KDM6A: variants seen among roughly 807,000 people sequenced by gnomAD.
KDM6A encodes the protein lysine demethylase 6A, also known as lysine-specific demethylase 6A.
A neutral mutation model predicts 117.6 loss-of-function variants in KDM6A; 11 were observed. The ratio of observed to expected loss-of-function variants is 0.09; its 90% CI spans 0.06 to 0.15. The LOEUF (loss-of-function observed/expected upper bound fraction) is 0.15, where lower values mean the gene tolerates loss of function less well. KDM6A is among the 10% of genes least tolerant of loss of function. The probability of loss-of-function intolerance (pLI) is 1.00; values close to 1 mark genes in which losing one functional copy is unlikely to be tolerated. For missense variants in KDM6A, 799 were observed against 1,077.3 expected (o/e 0.74, Z 3.62); for synonymous variants, 384 against 396.1 (o/e 0.97, Z 0.36).
At chrX:44,957,172 CTG>C (rs1019657495) in intron 2 of KDM6A, among the ~76,000 whole-genome samples, 4 of 111,125 alleles carry the variant, frequency 3.6e-5, no homozygotes, top group African/African-American at 1.3e-4. Context: ...ATAGGCAGGA[CTG>C]CATATTTGTT....
chrX:44,963,465 G>C (rs1307862692), intron 3 of KDM6A, among the ~76,000 whole-genome samples: 1 of 31,297 alleles, frequency 3.2e-5, no homozygotes, highest in African/African-American at 7.8e-5. Flanking sequence ...GTGTGTGTGT[G>C]TGTGTGTGTG....
intron 2 of KDM6A, among the ~76,000 whole-genome samples, chrX:44,881,343 A>G (rs965036008): frequency 6.3e-5 from 7 of 111,444 alleles, no homozygotes; most frequent in African/African-American, 2.3e-4. Context: ...AGGCAGGAGA[A>G]TATTGCTTGA....
intron 2 of KDM6A, among the ~76,000 whole-genome samples, chrX:44,937,579 CTTAA>C (rs1163173970): frequency 9.0e-6 from 1 of 111,704 alleles, no homozygotes; most frequent in Non-Finnish European, 1.9e-5. Flanking sequence ...CAATAGTAAA[CTTAA>C]TTAATAAACA....
At chrX:45,022,681 C>T (rs1026608366) in intron 6 of KDM6A, among the ~76,000 whole-genome samples, 1 of 111,852 alleles carries the variant, frequency 8.9e-6, no homozygotes, top group Non-Finnish European at 1.9e-5. Context: ...TAATACTTCA[C>T]CTTCATCTGG....
chrX:45,072,168 A>G (rs2044879601), intron 18 of KDM6A, among the ~76,000 whole-genome samples: 1 of 112,305 alleles, frequency 8.9e-6, no homozygotes, highest in Admixed American at 9.5e-5. Flanking sequence ...TTATTCTGAC[A>G]TAGACTAGGG....
chrX:45,099,829 T>A (rs1186986512), intron 27 of KDM6A, among the ~76,000 whole-genome samples: 1 of 111,374 alleles, frequency 9.0e-6, no homozygotes, highest in Non-Finnish European at 1.9e-5. Flanking sequence ...GGTCAGGAGA[T>A]CGAGACCATC....
intron 1 of KDM6A, 91 bp downstream of exon 1, chrX:44,873,803 C>T: frequency 8.8e-7 from 1 of 1,136,308 alleles, no homozygotes; most frequent in African/African-American, 1.8e-5. Context: ...CTGGCGGCGG[C>T]GGGGCGGGCA....
At chrX:44,969,417 T>G (rs2039207761) in intron 3 of KDM6A, among the ~76,000 whole-genome samples, 1 of 82,914 alleles carries the variant, frequency 1.2e-5, no homozygotes, top group Non-Finnish European at 2.3e-5. Flanking sequence ...TTATCTTTTT[T>G]TTTTTTTTTT....
At chrX:44,924,460 C>T (rs972151377) in intron 2 of KDM6A, among the ~76,000 whole-genome samples, 2 of 112,219 alleles carry the variant, frequency 1.8e-5, no homozygotes, top group Admixed American at 1.9e-4. Flanking sequence ...ATTATACAAG[C>T]CTCTGGGAAT....
intron 2 of KDM6A, among the ~76,000 whole-genome samples, chrX:44,946,046 G>A (rs1055826954): frequency 8.9e-6 from 1 of 112,382 alleles, no homozygotes; most frequent in Non-Finnish European, 1.9e-5. Flanking sequence ...TGAAGAATTT[G>A]TGTTTTGCTT....
intron 27 of KDM6A, among the ~76,000 whole-genome samples, chrX:45,097,996 A>G (rs1313747626): frequency 1.8e-5 from 2 of 112,168 alleles, no homozygotes; most frequent in Admixed American, 1.9e-4. Flanking sequence ...CAACCTAACT[A>G]CTTAGGAAAA....
intron 2 of KDM6A, among the ~76,000 whole-genome samples, chrX:44,911,176 C>T (rs776313837): frequency 6.0e-4 from 66 of 109,171 alleles, no homozygotes; most frequent in Non-Finnish European, 1.1e-3. Context: ...GGGGGCTGCC[C>T]CCCACCTCCC....
intron 7 of KDM6A, among the ~76,000 whole-genome samples, 153 bp from the exon 8 acceptor site, chrX:45,037,502 T>C (rs1473330714): frequency 8.9e-6 from 1 of 112,451 alleles, no homozygotes; most frequent in Admixed American, 9.4e-5. Context: ...ATATTCTATT[T>C]TAGTAAAAGC....
intron 12 of KDM6A, among the ~76,000 whole-genome samples, chrX:45,059,713 C>T (rs978784246): frequency 1.8e-5 from 2 of 111,836 alleles, no homozygotes; most frequent in African/African-American, 6.5e-5. Flanking sequence ...TAATTTTTTT[C>T]TATGTACTGT....
chrX:45,024,907 A>G (rs965979493), intron 6 of KDM6A, among the ~76,000 whole-genome samples: 10 of 111,696 alleles, frequency 9.0e-5, no homozygotes, highest in Admixed American at 8.6e-4. Context: ...CCCTCTGCCC[A>G]TCCTCAGAAA....
intron 2 of KDM6A, among the ~76,000 whole-genome samples, chrX:44,900,319 T>A (rs1343059748): frequency 4.5e-5 from 5 of 112,063 alleles, no homozygotes; most frequent in Admixed American, 3.8e-4. Context: ...TCTGTATGAA[T>A]TTCAAATGAA....
At chrX:44,987,045 T>G (rs1381041705) in intron 4 of KDM6A, among the ~76,000 whole-genome samples, 1 of 111,554 alleles carries the variant, frequency 9.0e-6, no homozygotes, top group African/African-American at 3.3e-5. Context: ...TGTGGGAGTC[T>G]AAGTCTCTTT....
chrX:45,024,817 C>A (rs1329549787), intron 6 of KDM6A, among the ~76,000 whole-genome samples: 1 of 111,152 alleles, frequency 9.0e-6, no homozygotes, highest in Admixed American at 9.6e-5. Context: ...TCATGTAAAA[C>A]AACCATAATT....
At chrX:45,023,379 A>C in intron 6 of KDM6A, among the ~76,000 whole-genome samples, 1 of 111,214 alleles carries the variant, frequency 9.0e-6, no homozygotes, top group East Asian at 2.8e-4. Flanking sequence ...ATATGAAATG[A>C]ATTGTAGGGC....
Sources: gnomAD v4.1 joint callset for allele counts (sites outside exome capture counted in the v4.1 genomes callset) on GRCh38, gnomAD v4.1.1 for gene constraint, MANE v1.5 for transcripts, NCBI Gene and HGNC (gene_info 2026-07-23, HGNC 2026-07-21) for gene names.